Variants in SCAI observed in about 807,000 individuals in gnomAD.
The protein encoded by SCAI is protein SCAI.
SCAI carries 24 observed loss-of-function variants against 92.2 expected under a neutral mutation model. The ratio of observed to expected loss-of-function variants is 0.26; its 90% CI spans 0.19 to 0.37. The LOEUF (loss-of-function observed/expected upper bound fraction) is 0.37. Among genes scored for constraint, SCAI ranks in the 10% least tolerant of loss-of-function variants. The pLI, the probability that SCAI is intolerant of heterozygous loss-of-function variation, is 1.00. For synonymous variants in SCAI, 261 were observed against 258.6 expected (o/e 1.01, Z -0.09); for missense variants, 450 against 736.2 (o/e 0.61, Z 4.50).
intron 3 of SCAI, among the ~76,000 whole-genome samples, chr9:125,053,705 G>A (rs1317088034): frequency 3.9e-5 from 6 of 152,156 alleles, no homozygotes; most frequent in African/African-American, 1.4e-4. Flanking sequence ...GATTTCTTTT[G>A]GGGGTGATTA....
At chr9:125,021,419 G>T (rs1434491051) in intron 6 of SCAI, among the ~76,000 whole-genome samples, 1 of 152,018 alleles carries the variant, frequency 6.6e-6, no homozygotes, top group East Asian at 1.9e-4. Flanking sequence ...TTTCTCTTCG[G>T]TTAATCAAAT....
chr9:124,988,057 A>C (rs1832036413), intron 14 of SCAI, among the ~76,000 whole-genome samples: 1 of 151,684 alleles, frequency 6.6e-6, no homozygotes, highest in South Asian at 2.1e-4. Context: ...CACACACACA[A>C]CACCTACACA....
chr9:124,996,141 G>A (rs1019421562), intron 13 of SCAI, among the ~76,000 whole-genome samples: 1 of 138,586 alleles, frequency 7.2e-6, no homozygotes, highest in Non-Finnish European at 1.5e-5. Context: ...TACATGTATA[G>A]TGATTACCAC....
At chr9:124,976,086 G>C in intron 15 of SCAI, 28 bp downstream of exon 15, 1 of 1,449,090 alleles carries the variant, frequency 6.9e-7, no homozygotes, top group Non-Finnish European at 9.7e-7. Flanking sequence ...TGCAACCTAT[G>C]GCTATACCAG....
At chr9:125,107,198 C>T (rs1232116117) in intron 2 of SCAI, among the ~76,000 whole-genome samples, 2 of 151,844 alleles carry the variant, frequency 1.3e-5, no homozygotes, top group Non-Finnish European at 2.9e-5. Context: ...ATCACAAGGT[C>T]AGGAGATCGA....
chr9:124,970,774 G>A (rs1831642479), intron 17 of SCAI, among the ~76,000 whole-genome samples: 1 of 152,012 alleles, frequency 6.6e-6, no homozygotes. Flanking sequence ...TCATTTGAGA[G>A]GGAGATAGGA....
chr9:125,119,899 C>T (rs1207256605), intron 2 of SCAI, among the ~76,000 whole-genome samples: 3 of 152,314 alleles, frequency 2.0e-5, no homozygotes, highest in Non-Finnish European at 2.9e-5. Flanking sequence ...CTTCAGTTTC[C>T]CTCTTACACA....
At chr9:125,102,401 A>G (rs1258003432) in intron 2 of SCAI, among the ~76,000 whole-genome samples, 1 of 152,020 alleles carries the variant, frequency 6.6e-6, no homozygotes, top group East Asian at 1.9e-4. Flanking sequence ...TGCAGCCTCT[A>G]TCTTACTTAC....
intron 2 of SCAI, among the ~76,000 whole-genome samples, chr9:125,098,483 G>T (rs535401918): frequency 6.6e-6 from 1 of 152,218 alleles, no homozygotes; most frequent in East Asian, 1.9e-4. Flanking sequence ...GACTATACTG[G>T]TGCATAAAAT....
intron 9 of SCAI, among the ~76,000 whole-genome samples, chr9:125,013,246 T>G (rs1287660105): frequency 6.6e-6 from 1 of 151,734 alleles, no homozygotes; most frequent in East Asian, 1.9e-4. Flanking sequence ...CAGGAGCTGG[T>G]TTTTTGAAAG....
intron 2 of SCAI, among the ~76,000 whole-genome samples, chr9:125,060,343 G>A (rs1038237822): frequency 1.3e-5 from 2 of 151,546 alleles, no homozygotes; most frequent in Non-Finnish European, 2.9e-5. Context: ...GCATTAATAT[G>A]TAATCCTAGC....
At chr9:125,102,306 C>T (rs572017020) in intron 2 of SCAI, among the ~76,000 whole-genome samples, 2 of 152,262 alleles carry the variant, frequency 1.3e-5, no homozygotes, top group Admixed American at 6.5e-5. Flanking sequence ...TTCATCTATC[C>T]TAATTATCCC....
chr9:125,101,710 A>G (rs1834682321), intron 2 of SCAI, among the ~76,000 whole-genome samples: 1 of 152,218 alleles, frequency 6.6e-6, no homozygotes, highest in Non-Finnish European at 1.5e-5. Flanking sequence ...ACTGTGTCAG[A>G]CACTAGAAAT....
intron 17 of SCAI, among the ~76,000 whole-genome samples, chr9:124,953,482 C>T (rs1038375297): frequency 3.9e-5 from 6 of 151,916 alleles, no homozygotes; most frequent in African/African-American, 1.2e-4. Context: ...AAAAATTAGC[C>T]GGGCATGGTG....
At chr9:124,979,908 G>A (rs778030120) in intron 14 of SCAI, among the ~76,000 whole-genome samples, 9 of 151,944 alleles carry the variant, frequency 5.9e-5, no homozygotes, top group Non-Finnish European at 1.2e-4. Flanking sequence ...AAATTAGCCG[G>A]GCATGGTGGC....
intron 17 of SCAI, among the ~76,000 whole-genome samples, chr9:124,959,231 C>A (rs1171318721): frequency 7.2e-6 from 1 of 137,994 alleles, no homozygotes; most frequent in Non-Finnish European, 1.5e-5. Context: ...ATGTTGTGCA[C>A]ATGTACCCTA....
intron 3 of SCAI, among the ~76,000 whole-genome samples, chr9:125,042,857 G>GGTTTTGTTTTTTTTTTTTTTT (rs1564390540): frequency 1.7e-5 from 2 of 115,900 alleles, no homozygotes; most frequent in Admixed American, 2.2e-4. Flanking sequence ...CTGCTCCCTG[G>GGTTTTGTTTTTTTTTTTTTTT]CTTTTTTTTT....
intron 17 of SCAI, among the ~76,000 whole-genome samples, chr9:124,963,298 G>GCTAATTTTT (rs1831477614): frequency 6.6e-6 from 1 of 150,844 alleles, no homozygotes; most frequent in South Asian, 2.1e-4. Context: ...ACCATGCTCG[G>GCTAATTTTT]CTAATTTTTG....
At chr9:125,118,356 A>G (rs1835093603) in intron 2 of SCAI, among the ~76,000 whole-genome samples, 1 of 152,008 alleles carries the variant, frequency 6.6e-6, no homozygotes, top group South Asian at 2.1e-4. Flanking sequence ...TCTAAAAAAT[A>G]AAAATAAAAA....
Sources: gnomAD v4.1 joint callset for allele counts (sites outside exome capture counted in the v4.1 genomes callset) on GRCh38, gnomAD v4.1.1 for gene constraint, MANE v1.5 for transcripts, NCBI Gene and HGNC (gene_info 2026-07-23, HGNC 2026-07-21) for gene names.